RPH3A: variants seen among roughly 807,000 people sequenced by gnomAD.
The protein encoded by RPH3A is rabphilin 3A.
Under a neutral mutation model 102.2 loss-of-function variants are expected in RPH3A, and 48 were observed. That is an observed-to-expected ratio of 0.47 (90% CI 0.37 to 0.60). The LOEUF is 0.60. Ranked by LOEUF, RPH3A falls within the 20% of genes least tolerant of loss-of-function variation. The pLI, the probability that RPH3A is intolerant of heterozygous loss-of-function variation, is 0.00. For synonymous variants in RPH3A, 310 were observed against 324.3 expected (o/e 0.96, Z 0.47); for missense variants, 781 against 910.1 (o/e 0.86, Z 1.83).
intron 4 of RPH3A, chr12:112,837,796 C>T (rs1378774832): frequency 2.2e-6 from 1 of 455,966 alleles, no homozygotes; most frequent in African/African-American, 2.0e-5. Context: ...TTCATGAATG[C>T]TGCAGGTTGA....
chr12:112,717,203 C>T (rs1292518964), intron 1 of RPH3A, among the ~76,000 whole-genome samples: 1 of 152,140 alleles, frequency 6.6e-6, no homozygotes, highest in African/African-American at 2.4e-5. Context: ...AAAATTCACT[C>T]TTTACAGTAC....
At chr12:112,678,921 A>G (rs1406358457) in intron 1 of RPH3A, among the ~76,000 whole-genome samples, 1 of 151,844 alleles carries the variant, frequency 6.6e-6, no homozygotes, top group South Asian at 2.1e-4. Context: ...GTGCTCTAAT[A>G]TTTTTCTTCT....
At chr12:112,813,103 G>C (rs542644116) in intron 2 of RPH3A, among the ~76,000 whole-genome samples, 1 of 152,338 alleles carries the variant, frequency 6.6e-6, no homozygotes, top group African/African-American at 2.4e-5. Flanking sequence ...GAAAGGCATA[G>C]AGAGGTTAAG....
Position 112,876,881 on chromosome 12 carries a change from A to G in RPH3A, c.1171+15A>G, listed in dbSNP as rs2042812786. 1.3e-6 allele frequency: 2 copies of G among 1,558,978 alleles called. No individual in the cohort carries two copies. The highest frequency in any genetic ancestry group is 3.7e-5 in the Admixed American group (2 of 53,816). ...GGATGAAGCAAGTAGGTGGTGCCTA[A>G]GGGAGAGGTATCTTGGAAAAATCAC... On this transcript the variant is annotated intron_variant, in intron 13 of 21. Transcript: ENST00000389385.
intron 1 of RPH3A, among the ~76,000 whole-genome samples, chr12:112,767,609 C>T (rs1302012403): frequency 2.0e-5 from 3 of 152,210 alleles, no homozygotes; most frequent in African/African-American, 7.2e-5. Flanking sequence ...GCACTGCTGT[C>T]AGACTTCTAC....
Position 112,711,088 on chromosome 12 carries a change from G to A in RPH3A, c.-139-81055G>A, listed in dbSNP as rs537234626. Among the ~76,000 whole-genome samples the A allele has an allele frequency of 3.3e-5, 5 of 152,252 alleles. No individual in the cohort carries two copies. The South Asian group carries it at 1.0e-3, about 32-fold the overall frequency. ...TTTGGGAGAATTCAGATCAATTTTA[G>A]GGTAGCCGGATCCTCCTATCACAAC... On this transcript the variant is annotated intron_variant, in intron 1 of 21. Transcript: ENST00000543106.
chr12:112,610,122 C>T (rs912695764), intron 1 of RPH3A, among the ~76,000 whole-genome samples: 2 of 152,204 alleles, frequency 1.3e-5, no homozygotes, highest in Non-Finnish European at 2.9e-5. Flanking sequence ...CCACACTGAT[C>T]GCTCTGTTTC....
chr12:112,643,529 A>G (rs1184800753), intron 1 of RPH3A, among the ~76,000 whole-genome samples: 1 of 152,254 alleles, frequency 6.6e-6, no homozygotes, highest in Non-Finnish European at 1.5e-5. Flanking sequence ...GTGGAGAAAT[A>G]AAGAGAAGAC....
chr12:112,833,762 C>T (rs2042007494), intron 3 of RPH3A, among the ~76,000 whole-genome samples: 1 of 150,078 alleles, frequency 6.7e-6, no homozygotes, highest in Non-Finnish European at 1.5e-5. Context: ...CAGTGTCTCA[C>T]TGTGTCACAT....
chr12:112,663,344 G>C (rs922982174), intron 1 of RPH3A, among the ~76,000 whole-genome samples: 1 of 151,884 alleles, frequency 6.6e-6, no homozygotes, highest in African/African-American at 2.4e-5. Flanking sequence ...TGAGTAGCTG[G>C]CACTACAGGT....
intron 15 of RPH3A, 61 bp downstream of exon 15, chr12:112,881,907 G>A: frequency 1.4e-6 from 2 of 1,400,142 alleles, no homozygotes; most frequent in Non-Finnish European, 2.0e-6. Flanking sequence ...GATACCCAGG[G>A]TTCTCAGCTC....
At chr12:112,640,881 C>A (rs747254384) in intron 1 of RPH3A, among the ~76,000 whole-genome samples, 1 of 152,138 alleles carries the variant, frequency 6.6e-6, no homozygotes, top group Non-Finnish European at 1.5e-5. Context: ...TCAGCATTTT[C>A]CCTCCTCCCC....
intron 8 of RPH3A, 70 bp from the exon 9 acceptor site, chr12:112,869,689 C>A: frequency 6.8e-7 from 1 of 1,476,070 alleles, no homozygotes; most frequent in Non-Finnish European, 9.5e-7. Flanking sequence ...CCTTTGTAGG[C>A]TTCTTAAGTA....
At chr12:112,763,902 G>A (rs1390149167) in intron 1 of RPH3A, among the ~76,000 whole-genome samples, 1 of 152,184 alleles carries the variant, frequency 6.6e-6, no homozygotes, top group East Asian at 1.9e-4. Flanking sequence ...AGTGTGTGGT[G>A]GTCTGGGGCT....
At chr12:112,593,464 C>A (rs1739144070) in intron 1 of RPH3A, among the ~76,000 whole-genome samples, 1 of 152,172 alleles carries the variant, frequency 6.6e-6, no homozygotes, top group Admixed American at 6.5e-5. Flanking sequence ...GAACCTAGTC[C>A]ATCCTGACCG....
intron 19 of RPH3A, chr12:112,891,316 G>A (rs570350106): frequency 6.4e-6 from 2 of 311,412 alleles, no homozygotes; most frequent in South Asian, 4.8e-5. Context: ...GGAGTTGGCC[G>A]CACACCCCTC....
intron 1 of RPH3A, among the ~76,000 whole-genome samples, chr12:112,608,474 A>G (rs1253299016): frequency 6.6e-6 from 1 of 152,170 alleles, no homozygotes; most frequent in Admixed American, 6.5e-5. Flanking sequence ...TATTGAATTA[A>G]ATTAGCAAAT....
chr12:112,847,975 C>T, intron 5 of RPH3A, 133 bp downstream of exon 5: 2 of 895,762 alleles, frequency 2.2e-6, no homozygotes, highest in South Asian at 1.8e-5. Context: ...CTTACGGGGC[C>T]ACCTCCCCGC....
intron 3 of RPH3A, among the ~76,000 whole-genome samples, chr12:112,830,085 G>A (rs1274010318): frequency 6.6e-6 from 1 of 151,978 alleles, no homozygotes; most frequent in Admixed American, 6.5e-5. Context: ...TTTCTTAAGT[G>A]TATTCTATAA....
Sources: allele counts gnomAD v4.1 joint callset (sites outside exome capture counted in the v4.1 genomes callset), GRCh38; gene constraint gnomAD v4.1.1; transcripts MANE v1.5; gene names NCBI Gene and HGNC (gene_info 2026-07-23, HGNC 2026-07-21).